Variants in KLHL5 observed in about 807,000 individuals in gnomAD.
KLHL5 encodes the protein kelch like family member 5.
A neutral mutation model predicts 77.7 loss-of-function variants in KLHL5; 48 were observed. The observed-to-expected ratio is 0.62, with a 90% confidence interval of 0.49 to 0.79. The LOEUF (loss-of-function observed/expected upper bound fraction) is 0.79. Among genes scored for constraint, KLHL5 ranks in the 30% least tolerant of loss-of-function variants. KLHL5 has a pLI of 0.00. For missense variants in KLHL5, 723 were observed against 859.7 expected (o/e 0.84, Z 1.99); for synonymous variants, 260 against 297.0 (o/e 0.88, Z 1.28).
At chr4:39,072,137 G>A (rs1040757943) in intron 1 of KLHL5, among the ~76,000 whole-genome samples, 13 of 151,170 alleles carry the variant, frequency 8.6e-5, no homozygotes, top group Non-Finnish European at 1.9e-4. Context: ...GATGATGCCA[G>A]GGATCATTTT....
chr4:39,069,467 TATATATACACACACAC>T (rs1718238662), intron 1 of KLHL5, among the ~76,000 whole-genome samples: 2 of 63,516 alleles, frequency 3.1e-5, no homozygotes, highest in African/African-American at 5.0e-5. Flanking sequence ...TATATATATA[TATATATACACACACAC>T]ACACACACAC....
intron 1 of KLHL5, among the ~76,000 whole-genome samples, chr4:39,073,683 C>T (rs143053995): frequency 1.3e-4 from 20 of 152,026 alleles, no homozygotes; most frequent in African/African-American, 4.6e-4. Context: ...CTCACTCTGT[C>T]GCCCAGGCTG....
intron 7 of KLHL5, 55 bp downstream of exon 7, chr4:39,103,566 T>C: frequency 2.1e-6 from 3 of 1,431,830 alleles, no homozygotes; most frequent in Non-Finnish European, 2.0e-6. Flanking sequence ...CACGGCACAT[T>C]TACATTCTGA....
the KLHL5 span, among the ~76,000 whole-genome samples, chr4:39,142,505 GCACCCA>G: frequency 6.6e-6 from 1 of 152,088 alleles, no homozygotes; most frequent in African/African-American, 2.4e-5. Flanking sequence ...CTCTGGAGAA[GCACCCA>G]GCTGTTCCTT....
chr4:39,100,936 T>A (rs1379681562), intron 6 of KLHL5, among the ~76,000 whole-genome samples: 1 of 152,060 alleles, frequency 6.6e-6, no homozygotes, highest in Admixed American at 6.6e-5. Context: ...GGTCCCTTCA[T>A]ATATCTGTTT....
In KLHL5 at chr4:39,086,346, A is replaced by AT. The variant is rs370490424; in HGVS notation, c.901-160dup. On this transcript the variant is annotated intron_variant, in intron 4 of 10. Coordinates refer to ENST00000504108, the MANE Select transcript of KLHL5 (RefSeq NM_015990.5). ...TGTTTAACAACATAATTGCAGTTTA[A>AT]TTTTTTTTTCTCTGCTGTGTTTCTT... Among the ~76,000 whole-genome samples the AT allele has an allele frequency of 1.5e-3, 233 of 151,930 alleles. 1 individual carries two copies. The highest frequency in any genetic ancestry group is 2.3e-3 in the Admixed American group (35 of 15,268).
chr4:39,070,968 A>T (rs1718420544), intron 1 of KLHL5, among the ~76,000 whole-genome samples: 1 of 152,174 alleles, frequency 6.6e-6, no homozygotes, highest in African/African-American at 2.4e-5. Context: ...AGTAGCAATT[A>T]TACTCCAATT....
chr4:39,045,187 G>T (rs1335061692), intron 1 of KLHL5: 1 of 983,146 alleles, frequency 1.0e-6, no homozygotes, highest in East Asian at 1.1e-4. Context: ...GCCCCGCTGC[G>T]GCCTCCCGGA....
At chr4:39,119,812 A>T (rs1364932492) in intron 10 of KLHL5, among the ~76,000 whole-genome samples, 6 of 152,206 alleles carry the variant, frequency 3.9e-5, no homozygotes, top group African/African-American at 1.4e-4. Context: ...CAATGTAGAG[A>T]CTAAGTGTCT....
intron 1 of KLHL5, among the ~76,000 whole-genome samples, chr4:39,073,782 C>G (rs1261023330): frequency 6.6e-6 from 1 of 151,572 alleles, no homozygotes; most frequent in Non-Finnish European, 1.5e-5. Flanking sequence ...GTAGCTGGGA[C>G]TACAGGCGTG....
At chr4:39,057,486 CTG>C (rs1717082611), upstream of KLHL5, among the ~76,000 whole-genome samples, 1 of 152,096 alleles carries the variant, frequency 6.6e-6, no homozygotes, top group African/African-American at 2.4e-5. Flanking sequence ...GGGTAAATAA[CTG>C]AAATTTTCCA....
the KLHL5 span, among the ~76,000 whole-genome samples, chr4:39,141,679 ATTGTGCCCAGCAAT>A: frequency 2.0e-5 from 3 of 151,852 alleles, no homozygotes; most frequent in South Asian, 4.2e-4. Flanking sequence ...TGCCCAGCAA[ATTGTGCCCAGCAAT>A]TTGAGAGGCT....
At chr4:39,075,895 A>C in intron 1 of KLHL5, 70 bp from the exon 2 acceptor site, 2 of 1,309,068 alleles carry the variant, frequency 1.5e-6, no homozygotes, top group Non-Finnish European at 2.1e-6. Flanking sequence ...GGCTTTCAAA[A>C]GACTTAATAG....
chr4:39,097,002 C>T (rs1054853500), intron 6 of KLHL5, 124 bp downstream of exon 6: 4 of 750,282 alleles, frequency 5.3e-6, no homozygotes, highest in Non-Finnish European at 8.8e-6. Flanking sequence ...GAAAAAGTAC[C>T]AGATAATTGT....
chr4:39,094,688 C>A (rs1023618006), intron 5 of KLHL5, among the ~76,000 whole-genome samples: 13 of 151,254 alleles, frequency 8.6e-5, no homozygotes, highest in Non-Finnish European at 1.3e-4. Flanking sequence ...TAAAAAAAAA[C>A]AAATCTCATA....
At chr4:39,138,580 C>A in the KLHL5 span, among the ~76,000 whole-genome samples, 1 of 151,862 alleles carries the variant, frequency 6.6e-6, no homozygotes, top group Non-Finnish European at 1.5e-5. Context: ...TAGAGGGGAA[C>A]AACATACACT....
upstream of KLHL5, chr4:39,044,920 G>A: frequency 2.0e-6 from 2 of 983,512 alleles, no homozygotes; most frequent in Non-Finnish European, 2.4e-6. Flanking sequence ...CGGAGCGGGA[G>A]TGGCTCGCTC....
chr4:39,074,600 T>C (rs938029093), intron 1 of KLHL5, among the ~76,000 whole-genome samples: 17 of 152,198 alleles, frequency 1.1e-4, no homozygotes, highest in Non-Finnish European at 1.5e-5. Context: ...AAAGAATATT[T>C]TGGTGAACAC....
At chr4:39,086,748 T>G in intron 5 of KLHL5, 21 bp downstream of exon 5, 1 of 1,561,360 alleles carries the variant, frequency 6.4e-7, no homozygotes, top group Non-Finnish European at 8.8e-7. Context: ...GGCACTTGTT[T>G]ATAGGAATTT....
Sources: allele counts gnomAD v4.1 joint callset (sites outside exome capture counted in the v4.1 genomes callset), GRCh38; gene constraint gnomAD v4.1.1; transcripts MANE v1.5; gene names NCBI Gene and HGNC (gene_info 2026-07-23, HGNC 2026-07-21).